The following CAMK2A variants were observed in gnomAD, a reference collection of about 807,000 sequenced individuals.
The protein encoded by CAMK2A is calcium/calmodulin-dependent protein kinase type II subunit alpha.
In CAMK2A, 7 loss-of-function variants were observed where a neutral mutation model predicts 79.2. The observed-to-expected ratio is 0.09, with a 90% CI of 0.05 to 0.17. CAMK2A has a LOEUF of 0.17. CAMK2A is among the 10% of genes least tolerant of loss of function. The probability of loss-of-function intolerance (pLI) is 1.00; values close to 1 mark genes in which losing one functional copy is unlikely to be tolerated. For synonymous variants in CAMK2A, 242 were observed against 251.7 expected (o/e 0.96, Z 0.36); for missense variants, 214 against 646.4 (o/e 0.33, Z 7.25).
At position 150,289,675 on chromosome 5, in the gene CAMK2A, A is replaced by G; in HGVS notation, c.-50T>C. On this transcript the variant is annotated 5_prime_UTR_variant, in exon 1 of 19. Transcript: ENST00000671881. ...GCTTGGGACTGGGGGACCAGGACTG[A>G]GGCGCTGCTGCTCTGCTCCCGAACC... 1 of 1,480,780 alleles carries G rather than the reference A, an allele frequency of 6.8e-7. No homozygotes were observed. The allele number at this position is 1,480,780 out of a possible 1,614,324, so 91.7% of individuals were successfully genotyped here.
chr5:150,221,171 TTC>T lies in CAMK2A; in HGVS notation c.*1537_*1538del, dbSNP rs1473064676. On this transcript the variant is annotated 3_prime_UTR_variant, in exon 19 of 19. Transcript: ENST00000671881. Reference sequence around the variant, plus strand: ...TAGATTGGTTTTGTTGAGTGTTTTCTTCTTTTTGTTTGTTTTCAACATACTTA... The same window carrying T: ...TAGATTGGTTTTGTTGAGTGTTTTCTTTTTTGTTTGTTTTCAACATACTTA... 6.9e-5 allele frequency: 24 copies of T among 345,380 alleles called. No individual in the cohort carries two copies. The highest frequency in any genetic ancestry group is 1.6e-5 in the Non-Finnish European group (3 of 193,186). The allele number at this position is 345,380 out of a possible 1,614,324, so 21.4% of individuals were successfully genotyped here.
In CAMK2A at chr5:150,289,556, C is replaced by A; in HGVS notation, c.62+8G>T. 4 of 1,613,030 alleles carry A rather than the reference C, an allele frequency of 2.5e-6. No homozygotes were observed. The highest frequency in any genetic ancestry group is 3.4e-6 in the Non-Finnish European group (4 of 1,179,042). On this transcript the variant is annotated splice_region_variant and intron_variant, in intron 1 of 18. Transcript: ENST00000671881. ...ATGCCTTCCAGGACTTCCTGAGGCA[C>A]AACTCACTTGCCCAATTCCTCGAAG... is the stretch of plus-strand genomic sequence containing the variant.
intron 14 of CAMK2A, among the ~76,000 whole-genome samples, chr5:150,239,156 A>T (rs1755227374): frequency 6.6e-6 from 1 of 152,030 alleles, no homozygotes; most frequent in Admixed American, 6.6e-5. Context: ...GGCTCTTCAG[A>T]GGGGAGAAAA....
At chr5:150,275,599 C>T (rs1756913410) in intron 1 of CAMK2A, among the ~76,000 whole-genome samples, 1 of 152,180 alleles carries the variant, frequency 6.6e-6, no homozygotes, top group African/African-American at 2.4e-5. Flanking sequence ...ACAACCCCCT[C>T]CTTTTATCAT....
chr5:150,223,183 G>C lies in CAMK2A; in HGVS notation c.1272C>G (p.Thr424=), dbSNP rs746357880. The C allele has an allele frequency of 2.5e-6, 4 of 1,613,896 alleles. No homozygotes were observed. The Admixed American group carries it at 6.7e-5, about 27-fold the overall frequency. The change falls in exon 18 of 19, where the codon ACC becomes ACG. Residue 424 remains threonine, a synonymous_variant. Transcript: ENST00000671881. This position sits in a 1 kb window ranked among gnomAD's most constrained non-coding sequence, Gnocchi z 4.1. ...WSRNSKPVHT[T]ILNPHIHLMG... The stretch of plus-strand genomic sequence containing the variant: ...TCAGGTGGATGTGGGGATTCAGGAT[G>C]GTGGTGTGCACGGGCTTGCTGTTCC...
At chr5:150,286,258 C>A (rs1757422457) in intron 1 of CAMK2A, among the ~76,000 whole-genome samples, 1 of 152,248 alleles carries the variant, frequency 6.6e-6, no homozygotes, top group Non-Finnish European at 1.5e-5. Context: ...GAATCAAGTT[C>A]TTGACTCATC....
chr5:150,276,268 C>T (rs1351570261), intron 1 of CAMK2A, among the ~76,000 whole-genome samples: 1 of 152,196 alleles, frequency 6.6e-6, no homozygotes, highest in Non-Finnish European at 1.5e-5. Flanking sequence ...GGCTCCTCCA[C>T]CTGCTTATTT....
At position 150,289,661 on chromosome 5, in the gene CAMK2A, G is replaced by C. The variant is rs1757581071; in HGVS notation, c.-36C>G. The C allele has an allele frequency of 1.3e-6, 2 of 1,582,306 alleles. No individual in the cohort carries two copies. Among genetic ancestry groups the C allele is most frequent in the East Asian group, 2.2e-5 (1 of 44,738 alleles). On this transcript the variant is annotated 5_prime_UTR_variant, in exon 1 of 19. Coordinates refer to ENST00000671881, the MANE Select transcript of CAMK2A (RefSeq NM_015981.4). ...GGCAGGCAGGTGAGGCTTGGGACTG[G>C]GGGACCAGGACTGAGGCGCTGCTGC...
In CAMK2A at chr5:150,283,538, C is replaced by T. The variant is rs79576537; in HGVS notation, c.62+6026G>A. 6.6e-3 allele frequency among the ~76,000 whole-genome samples: 1,009 copies of T among 152,276 alleles called. 19 individuals are homozygous for T. Among genetic ancestry groups the T allele is most frequent in the South Asian group, 0.056 (270 of 4,818 alleles). ...TACAGGCGTGCACCACTGTGCCCAG[C>T]TAACCTCTGGGTAACTCTTATTCAG... On this transcript the variant is annotated intron_variant, in intron 1 of 18. Transcript: ENST00000671881.
At chr5:150,241,682 TCTC>T (rs560209678) in intron 13 of CAMK2A, among the ~76,000 whole-genome samples, 279 of 140,006 alleles carry the variant, frequency 2.0e-3, no homozygotes, top group African/African-American at 6.2e-3. Context: ...TCCTCTTCCC[TCTC>T]CTCAACTCCT....
chr5:150,289,936 T>C (rs1757594696), upstream of CAMK2A: 10 of 402,142 alleles, frequency 2.5e-5, no homozygotes, highest in Non-Finnish European at 4.6e-5. Context: ...GCCCTGACCA[T>C]ACCGCACACA....
At chr5:150,272,128 G>A (rs1756771487) in intron 2 of CAMK2A, among the ~76,000 whole-genome samples, 1 of 152,330 alleles carries the variant, frequency 6.6e-6, no homozygotes, top group Admixed American at 6.5e-5. Flanking sequence ...GCCAGGTGCT[G>A]TCCTAGGTGC....
In CAMK2A at chr5:150,223,167, T is replaced by A. The variant is rs756733402; in HGVS notation, c.1288A>T (p.Ile430Phe). 1 of 1,613,906 alleles carries A rather than the reference T, an allele frequency of 6.2e-7. No individual in the cohort carries two copies. Among genetic ancestry groups the A allele is most frequent in the South Asian group, 1.1e-5 (1 of 91,084 alleles). Residue 430 changes from isoleucine (I) to phenylalanine (F), a missense_variant, in exon 18 of 19, where the codon ATC (isoleucine) becomes TTC (phenylalanine). By Grantham distance (21) the Ile-to-Phe change is conservative. This residue lies in a region of CAMK2A where 123 missense variants were observed against 242.4 expected (regional missense o/e 0.51). Coordinates refer to ENST00000671881, the MANE Select transcript of CAMK2A (RefSeq NM_015981.4). This position sits in a 1 kb window ranked among gnomAD's most constrained non-coding sequence, Gnocchi z 4.1. ...PVHTTILNPH[I>F]HLMGDESACI... ...GCTGACTCGTCGCCCATCAGGTGGA[T>A]GTGGGGATTCAGGATGGTGGTGTGC...
Position 150,258,037 on chromosome 5 carries a change from T to G in CAMK2A, c.218-420A>C, listed in dbSNP as rs899387950. Among the ~76,000 whole-genome samples, 8 of 152,240 alleles carry G rather than the reference T, an allele frequency of 5.3e-5. 1 individual carries two copies. Among genetic ancestry groups the G allele is most frequent in the Admixed American group, 5.2e-4 (8 of 15,286 alleles). On this transcript the variant is annotated intron_variant, in intron 3 of 18. Transcript: ENST00000671881. ...ACAATGAGAATGAAACTCCTGGACT[T>G]GCAGGCTTGTTATGAGAGTTCCAGG... is the stretch of plus-strand genomic sequence containing the variant.
At chr5:150,248,346 T>C (rs1247163408) in intron 11 of CAMK2A, among the ~76,000 whole-genome samples, 1 of 148,842 alleles carries the variant, frequency 6.7e-6, no homozygotes, top group Non-Finnish European at 1.5e-5. Flanking sequence ...ATATATATAT[T>C]ATATAATACT....
intron 1 of CAMK2A, among the ~76,000 whole-genome samples, chr5:150,282,248 G>A (rs989899381): frequency 5.3e-5 from 8 of 152,312 alleles, no homozygotes; most frequent in African/African-American, 9.6e-5. Context: ...CAGAAGTCTC[G>A]TGGGGGACAC....
intron 16 of CAMK2A, 96 bp downstream of exon 16, chr5:150,231,209 G>T: frequency 1.7e-6 from 1 of 575,952 alleles, no homozygotes; most frequent in East Asian, 3.0e-5. Flanking sequence ...AAAGTGAGTG[G>T]ATGAGGATCG....
intron 13 of CAMK2A, among the ~76,000 whole-genome samples, chr5:150,243,927 T>A (rs1580913843): frequency 6.6e-6 from 1 of 152,022 alleles, no homozygotes. Context: ...TAACCTGGCA[T>A]CCCCCTTCCA....
intron 7 of CAMK2A, 29 bp downstream of exon 7, chr5:150,253,415 C>G (rs1562168126): frequency 6.4e-7 from 1 of 1,552,170 alleles, no homozygotes; most frequent in Non-Finnish European, 8.9e-7. Flanking sequence ...TGCTGACCCC[C>G]AACACTTCTG....
Sources: allele counts gnomAD v4.1 joint callset (sites outside exome capture counted in the v4.1 genomes callset), GRCh38; gene constraint gnomAD v4.1.1; regional missense constraint gnomAD v4.1.1; non-coding constraint Gnocchi (gnomAD v3.1); transcripts MANE v1.5; gene names NCBI Gene and HGNC (gene_info 2026-07-23, HGNC 2026-07-21).